Variants in DACH1 observed in about 807,000 individuals in gnomAD.
DACH1 encodes the protein dachshund homolog 1.
DACH1 carries 12 observed loss-of-function variants against 54.2 expected under a neutral mutation model. The ratio of observed to expected loss-of-function variants is 0.22; its 90% confidence interval spans 0.14 to 0.36. The LOEUF is 0.36. Among genes scored for constraint, DACH1 ranks in the 10% least tolerant of loss-of-function variants. DACH1 has a pLI of 1.00. For synonymous variants in DACH1, 386 were observed against 366.2 expected (o/e 1.05, Z -0.62); for missense variants, 805 against 929.8 (o/e 0.87, Z 1.75).
intron 6 of DACH1, among the ~76,000 whole-genome samples, chr13:71,496,721 G>A (rs569647232): frequency 6.6e-6 from 1 of 152,040 alleles, no homozygotes; most frequent in South Asian, 2.1e-4. Context: ...GATAAAAAAA[G>A]GAGAAAAAAT....
intron 7 of DACH1, among the ~76,000 whole-genome samples, chr13:71,481,739 T>C (rs1364839603): frequency 6.6e-6 from 1 of 152,068 alleles, no homozygotes; most frequent in African/African-American, 2.4e-5. Context: ...CTTCAAAAAA[T>C]ACAGAAAACG....
In DACH1 at chr13:71,507,954, C is replaced by T. The variant is rs74095954; in HGVS notation, c.1571-18806G>A. On this transcript the variant is annotated intron_variant, in intron 6 of 10. Coordinates refer to ENST00000613252, the MANE Select transcript of DACH1 (RefSeq NM_080759.6). ...AAATGTTTACTGGAATCTGTTCATC[C>T]TATTATTTCCTCATTTCTCTGTTGG... Among the ~76,000 whole-genome samples, 587 of 152,122 alleles carry T rather than the reference C, an allele frequency of 3.9e-3. 3 individuals are homozygous for T. The highest frequency in any genetic ancestry group is 0.013 in the African/African-American group (537 of 41,504).
intron 1 of DACH1, among the ~76,000 whole-genome samples, chr13:71,805,955 G>A (rs910356813): frequency 6.6e-6 from 1 of 151,924 alleles, no homozygotes; most frequent in Admixed American, 6.6e-5. Context: ...TTACAGGCTT[G>A]TGCCACCATG....
At position 71,697,851 on chromosome 13, in the gene DACH1, C is replaced by T. The variant is rs932142447; in HGVS notation, c.849-15941G>A. Reference sequence around the variant, plus strand: ...ATTTTAAAAATGGTGTTAAAATTTGCTGGCTATTTGAAAAGTTGAAATAGA... The same window carrying T: ...ATTTTAAAAATGGTGTTAAAATTTGTTGGCTATTTGAAAAGTTGAAATAGA... On this transcript the variant is annotated intron_variant, in intron 1 of 10. Transcript: ENST00000613252. 6.6e-5 allele frequency among the ~76,000 whole-genome samples: 10 copies of T among 151,990 alleles called. No individual in the cohort carries two copies. In the East Asian group the frequency reaches 1.9e-3, roughly 29 times the overall value.
intron 4 of DACH1, among the ~76,000 whole-genome samples, chr13:71,565,309 T>C (rs893165077): frequency 6.6e-6 from 1 of 152,138 alleles, no homozygotes; most frequent in African/African-American, 2.4e-5. Flanking sequence ...CAGGCTCAAA[T>C]ACATTAGTTC....
At chr13:71,647,579 G>C in intron 2 of DACH1, among the ~76,000 whole-genome samples, 1 of 152,292 alleles carries the variant, frequency 6.6e-6, no homozygotes, top group South Asian at 2.1e-4. Context: ...TGGTCAAACT[G>C]TATCATCTGA....
intron 10 of DACH1, among the ~76,000 whole-genome samples, chr13:71,449,326 A>T (rs1386946673): frequency 6.6e-6 from 1 of 152,182 alleles, no homozygotes; most frequent in Non-Finnish European, 1.5e-5. Flanking sequence ...ACTGTCTCAA[A>T]AAAGAAAAAA....
intron 1 of DACH1, among the ~76,000 whole-genome samples, chr13:71,791,373 TG>T (rs765894553): frequency 1.6e-4 from 24 of 152,124 alleles, no homozygotes; most frequent in Non-Finnish European, 2.8e-4. Context: ...TTTGTTTGTT[TG>T]GTTTGGTTTA....
At chr13:71,630,504 G>A in intron 3 of DACH1, 52 bp downstream of exon 3, 3 of 1,501,866 alleles carry the variant, frequency 2.0e-6, no homozygotes, top group Non-Finnish European at 2.7e-6. Context: ...AGCATTTACT[G>A]TAATTCAGTA....
At chr13:71,505,706 TAA>T (rs1223786860) in intron 6 of DACH1, among the ~76,000 whole-genome samples, 2 of 152,300 alleles carry the variant, frequency 1.3e-5, no homozygotes, top group African/African-American at 4.8e-5. Flanking sequence ...TGTTAGATAA[TAA>T]GTTATCTTTC....
intron 1 of DACH1, among the ~76,000 whole-genome samples, chr13:71,736,859 G>A (rs566998388): frequency 6.6e-6 from 1 of 152,222 alleles, no homozygotes; most frequent in East Asian, 1.9e-4. Context: ...GTAAACAAAG[G>A]AATCAGACAC....
In DACH1 at chr13:71,866,272, G is replaced by A; in HGVS notation, c.498C>T (p.Pro166=). 6.3e-7 allele frequency: 1 copy of A among 1,593,666 alleles called. No individual in the cohort carries two copies. Among genetic ancestry groups the A allele is most frequent in the Non-Finnish European group, 8.6e-7 (1 of 1,169,550 alleles). The change falls in exon 1 of 11, where the codon CCC becomes CCT. Residue 166 remains proline, a synonymous_variant. Transcript: ENST00000613252. ...SSSSSSSSCG[P]LPGKPVYSTP... ...TTGAGTACACGGGTTTCCCGGGGAGGGGGCCGCAGCTGCTGCTGCTACTGC... is the reference window on the plus strand; with the variant it reads ...TTGAGTACACGGGTTTCCCGGGGAGAGGGCCGCAGCTGCTGCTGCTACTGC...
intron 1 of DACH1, among the ~76,000 whole-genome samples, chr13:71,685,299 G>A (rs538521640): frequency 6.6e-6 from 1 of 152,246 alleles, no homozygotes; most frequent in Admixed American, 6.5e-5. Flanking sequence ...TAAGCTTTAA[G>A]TTCTTTTAAA....
chr13:71,526,548 A>C (rs530288740), intron 6 of DACH1, among the ~76,000 whole-genome samples: 5 of 152,140 alleles, frequency 3.3e-5, no homozygotes, highest in African/African-American at 4.8e-5. Context: ...TACTTCCAAA[A>C]GTCATTTTTG....
At chr13:71,698,908 G>C (rs1299650762) in intron 1 of DACH1, among the ~76,000 whole-genome samples, 1 of 152,094 alleles carries the variant, frequency 6.6e-6, no homozygotes, top group Non-Finnish European at 1.5e-5. Context: ...TCCAGGGGTA[G>C]ATTTAGTGCC....
At chr13:71,580,068 A>G (rs1417305111) in intron 3 of DACH1, among the ~76,000 whole-genome samples, 1 of 152,194 alleles carries the variant, frequency 6.6e-6, no homozygotes, top group Non-Finnish European at 1.5e-5. Flanking sequence ...AGTCAGTGGA[A>G]ATGAGACTGA....
At chr13:71,449,987 T>A (rs1198255332) in intron 10 of DACH1, among the ~76,000 whole-genome samples, 4 of 151,658 alleles carry the variant, frequency 2.6e-5, no homozygotes, top group African/African-American at 7.3e-5. Flanking sequence ...AGTTACTGGG[T>A]TCGGCACGCC....
At chr13:71,510,476 A>T (rs1880692574) in intron 6 of DACH1, among the ~76,000 whole-genome samples, 1 of 152,020 alleles carries the variant, frequency 6.6e-6, no homozygotes, top group South Asian at 2.1e-4. Flanking sequence ...TCTCAGTCCC[A>T]TTCTATTCCC....
chr13:71,585,275 C>A (rs1338802480), intron 3 of DACH1, among the ~76,000 whole-genome samples: 3 of 151,934 alleles, frequency 2.0e-5, no homozygotes, highest in Non-Finnish European at 2.9e-5. Context: ...TTCTCATGTG[C>A]ATGTGTGTAT....
Sources: gnomAD v4.1 joint callset for allele counts (sites outside exome capture counted in the v4.1 genomes callset) on GRCh38, gnomAD v4.1.1 for gene constraint, MANE v1.5 for transcripts, NCBI Gene and HGNC (gene_info 2026-07-23, HGNC 2026-07-21) for gene names.